NDUFA9: variants seen among roughly 807,000 people sequenced by gnomAD.
NDUFA9 encodes NADH:ubiquinone oxidoreductase subunit A9.
A neutral mutation model predicts 45.9 loss-of-function variants in NDUFA9; 23 were observed. The ratio of observed to expected loss-of-function variants is 0.50; its 90% CI spans 0.36 to 0.71. The LOEUF (loss-of-function observed/expected upper bound fraction) is 0.71. Ranked by LOEUF, NDUFA9 falls within the 30% of genes least tolerant of loss-of-function variation. The pLI is 0.00. For synonymous variants in NDUFA9, 176 were observed against 170.5 expected (o/e 1.03, Z -0.25); for missense variants, 466 against 488.2 (o/e 0.95, Z 0.43).
chr12:4,676,996 A>G (rs1040394118), intron 8 of NDUFA9, among the ~76,000 whole-genome samples: 5 of 152,216 alleles, frequency 3.3e-5, no homozygotes, highest in African/African-American at 1.2e-4. Flanking sequence ...AAATAATGCC[A>G]CACATTTACA....
chr12:4,684,433 G>C (rs1945971894), intron 9 of NDUFA9, among the ~76,000 whole-genome samples: 2 of 152,154 alleles, frequency 1.3e-5, no homozygotes, highest in Non-Finnish European at 2.9e-5. Flanking sequence ...CCAGGACTCT[G>C]TGGGGCCCCA....
intron 8 of NDUFA9, among the ~76,000 whole-genome samples, chr12:4,681,764 A>G (rs1235450809): frequency 1.3e-5 from 2 of 151,742 alleles, no homozygotes; most frequent in African/African-American, 4.8e-5. Context: ...ATGGATAAGT[A>G]CAAATATTTA....
chr12:4,667,772 A>C (rs922581620), intron 6 of NDUFA9: 19 of 152,118 alleles, frequency 1.2e-4, no homozygotes, highest in Admixed American at 1.1e-3. Context: ...GGCCTCCCAA[A>C]GTGCTGGGAT....
At chr12:4,681,612 A>T (rs1945952928) in intron 8 of NDUFA9, among the ~76,000 whole-genome samples, 1 of 149,142 alleles carries the variant, frequency 6.7e-6, no homozygotes, top group South Asian at 2.1e-4. Flanking sequence ...TAATTATCTA[A>T]AATGTTATAT....
chr12:4,671,361 T>A (rs950610787), intron 8 of NDUFA9, among the ~76,000 whole-genome samples: 2 of 152,042 alleles, frequency 1.3e-5, no homozygotes, highest in African/African-American at 4.8e-5. Context: ...ATGAACAATG[T>A]GAAAATAAAA....
At chr12:4,684,500 T>TG (rs34342431) in intron 9 of NDUFA9, among the ~76,000 whole-genome samples, 22,111 of 152,130 alleles carry the variant, frequency 0.15, 1,756 homozygotes, top group Middle Eastern at 0.21. Flanking sequence ...CTGGGCACAG[T>TG]GGTGTACACC....
chr12:4,655,724 A>G (rs1945786027), intron 3 of NDUFA9: 1 of 152,178 alleles, frequency 6.6e-6, no homozygotes, highest in African/African-American at 2.4e-5. Context: ...GTCGTCCTTT[A>G]ATCTACAGGT....
chr12:4,666,229 G>A (rs1027645113), intron 6 of NDUFA9, among the ~76,000 whole-genome samples: 7 of 152,034 alleles, frequency 4.6e-5, no homozygotes, highest in Admixed American at 3.9e-4. Flanking sequence ...TTTTAAAATT[G>A]GGTTGTTTAT....
chr12:4,665,746 GT>G (rs10657164), intron 6 of NDUFA9, among the ~76,000 whole-genome samples: 46,913 of 143,820 alleles, frequency 0.33, 7,562 homozygotes, highest in Admixed American at 0.37. Context: ...GTTATTTTCT[GT>G]TTTTTTTTTT....
chr12:4,675,769 C>A (rs986550826), intron 8 of NDUFA9, among the ~76,000 whole-genome samples: 2 of 152,076 alleles, frequency 1.3e-5, no homozygotes, highest in Non-Finnish European at 2.9e-5. Context: ...GAAACTATTC[C>A]AATCAATAGA....
At chr12:4,649,585 A>G (rs1445165593) in intron 1 of NDUFA9, among the ~76,000 whole-genome samples, 4 of 152,172 alleles carry the variant, frequency 2.6e-5, no homozygotes. Context: ...CCTTGTGCAA[A>G]CCCTTAATGG....
In NDUFA9 at chr12:4,669,800, A is replaced by G; in HGVS notation, c.783A>G (p.Lys261=). 6.2e-7 allele frequency: 1 copy of G among 1,612,552 alleles called. No homozygotes were observed. Among genetic ancestry groups the G allele is most frequent in the East Asian group, 2.2e-5 (1 of 44,822 alleles). The part of the protein sequence containing the change: ...NAVKDPDANG[K]SFAFVGPSRY... ...TTAAGGATCCTGATGCCAATGGGAA[A>G]TCCTTTGCTTTCGTTGGGTAAGTGC... Residue 261 remains lysine, a synonymous_variant, in exon 8 of 11, where the codon AAA becomes AAG. Transcript: ENST00000266544.
At chr12:4,675,979 T>C (rs1355023844) in intron 8 of NDUFA9, among the ~76,000 whole-genome samples, 3 of 152,212 alleles carry the variant, frequency 2.0e-5, no homozygotes, top group African/African-American at 7.2e-5. Flanking sequence ...GATAAAAGGC[T>C]GGTTCAACAT....
chr12:4,673,188 C>T (rs977335764), intron 8 of NDUFA9, among the ~76,000 whole-genome samples: 1 of 152,138 alleles, frequency 6.6e-6, no homozygotes, highest in Non-Finnish European at 1.5e-5. Flanking sequence ...ACAAAAAGGA[C>T]GTCCACTCAG....
Position 4,654,418 on chromosome 12 carries a change from T to C in NDUFA9, c.176T>C (p.Phe59Ser). 1 of 1,614,122 alleles carries C rather than the reference T, an allele frequency of 6.2e-7. No individual in the cohort carries two copies. The highest frequency in any genetic ancestry group is 1.1e-5 in the South Asian group (1 of 91,074). ...GTCAGTGGGATTGTGGCCACTGTGT[T>C]TGGAGCAACAGGATTCCTGGGGCGA... The part of the protein sequence containing the change: ...SSVSGIVATV[F>S]GATGFLGRYV... Residue 59 changes from phenylalanine to serine, a missense_variant, in exon 2 of 11, where the codon TTT (phenylalanine) becomes TCT (serine). By Grantham distance (155) the Phe-to-Ser change is radical. Coordinates refer to ENST00000266544, the MANE Select transcript of NDUFA9 (RefSeq NM_005002.5).
At chr12:4,669,903 T>TA in intron 8 of NDUFA9, 86 bp downstream of exon 8, 2 of 1,029,272 alleles carry the variant, frequency 1.9e-6, no homozygotes, top group Non-Finnish European at 3.0e-6. Context: ...ATTTATTTGT[T>TA]GCACTTTTAC....
At chr12:4,676,320 G>A (rs1945919804) in intron 8 of NDUFA9, among the ~76,000 whole-genome samples, 1 of 152,118 alleles carries the variant, frequency 6.6e-6, no homozygotes, top group Admixed American at 6.5e-5. Flanking sequence ...GAAATAAAGG[G>A]TATTCAATTA....
At chr12:4,686,846 C>T (rs1945989562) in intron 10 of NDUFA9, 92 bp from the exon 11 acceptor site, 2 of 1,228,214 alleles carry the variant, frequency 1.6e-6, no homozygotes, top group South Asian at 1.5e-5. Flanking sequence ...TAATAGGACT[C>T]ATGCCAGCTT....
intron 7 of NDUFA9, among the ~76,000 whole-genome samples, chr12:4,669,291 G>A (rs1945872054): frequency 6.6e-6 from 1 of 152,170 alleles, no homozygotes; most frequent in Non-Finnish European, 1.5e-5. Context: ...TACTGTTTTT[G>A]AAAATCAAAA....
Sources: gnomAD v4.1 joint callset for allele counts (sites outside exome capture counted in the v4.1 genomes callset) on GRCh38, gnomAD v4.1.1 for gene constraint, MANE v1.5 for transcripts, NCBI Gene and HGNC (gene_info 2026-07-23, HGNC 2026-07-21) for gene names.